Variants in RSRC1 observed in about 807,000 individuals in gnomAD.
The protein encoded by RSRC1 is arginine and serine rich coiled-coil 1.
A neutral mutation model predicts 49.1 loss-of-function variants in RSRC1; 39 were observed. The ratio of observed to expected loss-of-function variants is 0.79; its 90% confidence interval spans 0.61 to 1.04. The LOEUF (loss-of-function observed/expected upper bound fraction) is 1.04. RSRC1 is among the 50% of genes least tolerant of loss of function. RSRC1 has a pLI of 0.00. For synonymous variants in RSRC1, 143 were observed against 130.8 expected, an observed-to-expected ratio of 1.09 and a Z score of -0.63; for missense variants, 388 against 402.4, an observed-to-expected ratio of 0.96 and a Z score of 0.31.
chr3:158,461,635 T>C (rs1433845672), intron 7 of RSRC1, among the ~76,000 whole-genome samples: 1 of 151,860 alleles, frequency 6.6e-6, no homozygotes, highest in Non-Finnish European at 1.5e-5. Context: ...ACATATACTG[T>C]TCTAAATTAC....
At chr3:158,130,707 G>T (rs1416931469) in intron 3 of RSRC1, among the ~76,000 whole-genome samples, 2 of 152,104 alleles carry the variant, frequency 1.3e-5, no homozygotes, top group African/African-American at 4.8e-5. Context: ...TCCACTTGTG[G>T]CATCATTCTG....
At chr3:158,188,068 C>T (rs530497732) in intron 3 of RSRC1, among the ~76,000 whole-genome samples, 5 of 151,922 alleles carry the variant, frequency 3.3e-5, no homozygotes, top group African/African-American at 9.6e-5. Context: ...TATTTTTAGG[C>T]TTTGTTAGGA....
chr3:158,226,440 C>A (rs1722537321), intron 4 of RSRC1, among the ~76,000 whole-genome samples: 1 of 151,900 alleles, frequency 6.6e-6, no homozygotes, highest in Non-Finnish European at 1.5e-5. Flanking sequence ...ATTTTTATCC[C>A]TTTACATTAG....
chr3:158,372,390 C>T (rs1732131132), intron 6 of RSRC1, among the ~76,000 whole-genome samples: 1 of 151,820 alleles, frequency 6.6e-6, no homozygotes. Flanking sequence ...TATTCCAGTG[C>T]CATTTGTTGA....
At chr3:158,348,613 C>T (rs1234825906) in intron 5 of RSRC1, among the ~76,000 whole-genome samples, 1 of 151,296 alleles carries the variant, frequency 6.6e-6, no homozygotes, top group Non-Finnish European at 1.5e-5. Context: ...TTTGGGGATA[C>T]ATGTGCTTTT....
Position 158,379,225 on chromosome 3 carries a change from G to A in RSRC1, c.583+24317G>A, listed in dbSNP as rs572405322. On this transcript the variant is annotated intron_variant, in intron 6 of 9. Coordinates refer to ENST00000611884, the MANE Select transcript of RSRC1 (RefSeq NM_001271838.2). ...TTTTTTTTTTTTTTTTTTTGAGACC[G>A]AGTCTCGCTCTGTCGCCCAGGCTGG... Among the ~76,000 whole-genome samples the A allele has an allele frequency of 5.3e-4, 63 of 118,126 alleles. No homozygotes were observed. The East Asian group carries it at 0.013, about 24-fold the overall frequency. 77.5% of individuals were successfully genotyped at this position (118,126 alleles called of 152,430 possible). A position where few individuals can be genotyped will look rare whatever the true frequency, so the allele number is the denominator to read the frequency against.
chr3:158,500,668 T>C (rs898442759), intron 7 of RSRC1, among the ~76,000 whole-genome samples: 2 of 152,148 alleles, frequency 1.3e-5, no homozygotes, highest in Non-Finnish European at 2.9e-5. Context: ...CATAGTAGCC[T>C]TGAATGATCT....
intron 6 of RSRC1, among the ~76,000 whole-genome samples, chr3:158,432,401 T>A (rs1735812706): frequency 6.6e-6 from 1 of 151,596 alleles, no homozygotes; most frequent in Non-Finnish European, 1.5e-5. Context: ...CATAAGAGAG[T>A]CTATGGGGAG....
chr3:158,384,976 A>G (rs912249691), intron 6 of RSRC1, among the ~76,000 whole-genome samples: 9 of 152,130 alleles, frequency 5.9e-5, no homozygotes, highest in African/African-American at 1.7e-4. Context: ...AGATAGCCCA[A>G]TGAGTCCCCC....
At chr3:158,227,938 G>T (rs1215699077) in intron 4 of RSRC1, among the ~76,000 whole-genome samples, 7 of 152,020 alleles carry the variant, frequency 4.6e-5, no homozygotes, top group African/African-American at 1.7e-4. Context: ...TCCTGGTCTA[G>T]ACTGCCAAAC....
At chr3:158,214,991 G>A (rs1721874540) in intron 4 of RSRC1, among the ~76,000 whole-genome samples, 1 of 151,456 alleles carries the variant, frequency 6.6e-6, no homozygotes, top group African/African-American at 2.4e-5. Context: ...CTAAAGAGAA[G>A]TGTTGAAGTC....
chr3:158,454,755 G>T (rs1032153487), intron 6 of RSRC1, among the ~76,000 whole-genome samples: 4 of 152,088 alleles, frequency 2.6e-5, no homozygotes, highest in Non-Finnish European at 5.9e-5. Context: ...TACCTCAACT[G>T]CCTGGTAATT....
chr3:158,292,449 G>GTT (rs1206555589), intron 4 of RSRC1, among the ~76,000 whole-genome samples: 2 of 152,264 alleles, frequency 1.3e-5, no homozygotes, highest in African/African-American at 4.8e-5. Context: ...ACTCCTGTGT[G>GTT]TTAGTTCGAT....
chr3:158,504,156 GGGT>G (rs1220579897), intron 7 of RSRC1, among the ~76,000 whole-genome samples: 1 of 152,196 alleles, frequency 6.6e-6, no homozygotes, highest in African/African-American at 2.4e-5. Context: ...TCTCCAGTGG[GGGT>G]GTGTGTTCGG....
At chr3:158,367,730 A>C (rs1731851957) in intron 6 of RSRC1, among the ~76,000 whole-genome samples, 1 of 152,130 alleles carries the variant, frequency 6.6e-6, no homozygotes, top group Non-Finnish European at 1.5e-5. Flanking sequence ...TAAAGCCTTA[A>C]ATAGTTTAGT....
intron 4 of RSRC1, among the ~76,000 whole-genome samples, chr3:158,207,733 A>AC (rs1721429358): frequency 6.6e-6 from 1 of 152,132 alleles, no homozygotes; most frequent in East Asian, 1.9e-4. Flanking sequence ...AAGGACAGTA[A>AC]GTACAGTAAT....
At chr3:158,442,951 T>C (rs998734029) in intron 6 of RSRC1, among the ~76,000 whole-genome samples, 3 of 152,122 alleles carry the variant, frequency 2.0e-5, no homozygotes, top group Non-Finnish European at 4.4e-5. Context: ...CCAGGTATAC[T>C]GTCAATAAGC....
chr3:158,351,924 T>C (rs1730902492), intron 5 of RSRC1, among the ~76,000 whole-genome samples: 1 of 147,090 alleles, frequency 6.8e-6, no homozygotes, highest in Non-Finnish European at 1.5e-5. Flanking sequence ...ATTATATATA[T>C]ATAAATATAT....
intron 3 of RSRC1, among the ~76,000 whole-genome samples, chr3:158,161,765 AATAC>A (rs887717048): frequency 6.6e-6 from 1 of 152,128 alleles, no homozygotes; most frequent in African/African-American, 2.4e-5. Flanking sequence ...ATGTCTCAAA[AATAC>A]ATACATACAT....
Sources: gnomAD v4.1 joint callset for allele counts (sites outside exome capture counted in the v4.1 genomes callset) on GRCh38, gnomAD v4.1.1 for gene constraint, MANE v1.5 for transcripts, NCBI Gene and HGNC (gene_info 2026-07-23, HGNC 2026-07-21) for gene names.